Variants in KAT2B observed in about 807,000 individuals in gnomAD.
KAT2B encodes the protein histone acetyltransferase KAT2B.
Under a neutral mutation model 105.9 loss-of-function variants are expected in KAT2B, and 36 were observed. The ratio of observed to expected loss-of-function variants is 0.34; its 90% confidence interval spans 0.26 to 0.45. The LOEUF (loss-of-function observed/expected upper bound fraction) is 0.45. KAT2B is among the 20% of genes least tolerant of loss of function. KAT2B has a pLI of 1.00. For missense variants in KAT2B, 820 were observed against 1,021.6 expected (o/e 0.80, Z 2.69); for synonymous variants, 397 against 377.9 (o/e 1.05, Z -0.59).
intron 2 of KAT2B, among the ~76,000 whole-genome samples, chr3:20,088,966 G>A (rs777440493): frequency 3.9e-5 from 6 of 152,068 alleles, no homozygotes; most frequent in East Asian, 1.9e-4. Flanking sequence ...GTGGATATCC[G>A]GTTGTCCCAA....
intron 1 of KAT2B, among the ~76,000 whole-genome samples, chr3:20,067,320 A>G (rs1207527492): frequency 2.0e-5 from 3 of 152,030 alleles, no homozygotes; most frequent in Admixed American, 6.6e-5. Context: ...AATATTCAAG[A>G]TGTAACTTTT....
Position 20,152,774 on chromosome 3 carries a change from G to T in KAT2B, c.*249G>T. ...CTACTATTAAGGTAAATTTTCTATG[G>T]CATGTCCATTAGCTATTTCATGATA... On this transcript the variant is annotated 3_prime_UTR_variant, in exon 18 of 18. Coordinates refer to ENST00000263754, the MANE Select transcript of KAT2B (RefSeq NM_003884.5). 3.7e-6 allele frequency: 1 copy of T among 271,002 alleles called. No individual in the cohort carries two copies. Among genetic ancestry groups the T allele is most frequent in the Non-Finnish European group, 7.1e-6 (1 of 141,502 alleles). The allele number at this position is 271,002 out of a possible 1,614,324, so 16.8% of individuals were successfully genotyped here.
rs760581446 is a variant in KAT2B, at chr3:20,072,341, G to T, written c.312G>T (p.Glu104Asp). 52 of 1,613,378 alleles carry T rather than the reference G, an allele frequency of 3.2e-5. No homozygotes were observed. Among genetic ancestry groups the T allele is most frequent in the Non-Finnish European group, 4.3e-5 (51 of 1,179,552 alleles). The change falls in exon 2 of 18, where the codon GAG becomes GAT. Residue 104 changes from glutamate to aspartate, a missense_variant. Around this residue, in one of 6 missense-constraint regions of KAT2B, gnomAD observed 190 missense variants for 176.7 expected, o/e 1.08. Coordinates refer to ENST00000263754, the MANE Select transcript of KAT2B (RefSeq NM_003884.5). The part of the protein sequence containing the change: ...LGVYSACKAE[E>D]SCKCNGWKNP... ...CTTTATTCCATTTTTAGGCCGAGGA[G>T]TCTTGTAAATGTAATGGCTGGAAAA...
chr3:20,075,350 GTT>G (rs968562694), intron 2 of KAT2B, among the ~76,000 whole-genome samples: 1 of 149,342 alleles, frequency 6.7e-6, no homozygotes, highest in Non-Finnish European at 1.5e-5. Context: ...AGATGTGTGG[GTT>G]TTTTTTTTCT....
Position 20,140,600 on chromosome 3 carries a change from C to T in KAT2B, c.2004+236C>T, listed in dbSNP as rs562833480. 2.6e-5 allele frequency among the ~76,000 whole-genome samples: 4 copies of T among 152,262 alleles called. No homozygotes were observed. In the South Asian group the frequency reaches 6.2e-4, roughly 24 times the overall value. ...CTGCCTCCTGGGCCCAAGCAATCCT[C>T]GTACCTCAGCCTCCCGAGTAGCTAA... On this transcript the variant is annotated intron_variant, in intron 13 of 17. Coordinates refer to ENST00000263754, the MANE Select transcript of KAT2B (RefSeq NM_003884.5).
chr3:20,112,267 A>G (rs1030749260), intron 6 of KAT2B, among the ~76,000 whole-genome samples: 1 of 151,824 alleles, frequency 6.6e-6, no homozygotes, highest in Admixed American at 6.6e-5. Context: ...TTTGGAAACT[A>G]GACTGCAAAA....
At chr3:20,055,153 T>C (rs911295153) in intron 1 of KAT2B, among the ~76,000 whole-genome samples, 1 of 152,064 alleles carries the variant, frequency 6.6e-6, no homozygotes, top group African/African-American at 2.4e-5. Context: ...AACATGGACC[T>C]GGGCACCAGA....
intron 11 of KAT2B, among the ~76,000 whole-genome samples, chr3:20,128,002 G>C (rs374882370): frequency 3.9e-5 from 6 of 152,280 alleles, no homozygotes; most frequent in African/African-American, 1.4e-4. Flanking sequence ...CCACGGACTG[G>C]TAATGGTCTA....
chr3:20,124,664 A>C (rs1699368007), intron 9 of KAT2B, among the ~76,000 whole-genome samples: 1 of 152,180 alleles, frequency 6.6e-6, no homozygotes, highest in Admixed American at 6.5e-5. Flanking sequence ...GTTTGAAAAT[A>C]TTTTGGATAT....
At chr3:20,074,258 G>A (rs1698379569) in intron 2 of KAT2B, among the ~76,000 whole-genome samples, 1 of 152,200 alleles carries the variant, frequency 6.6e-6, no homozygotes, top group South Asian at 2.1e-4. Context: ...TTCCAATGTA[G>A]GAGATGATTG....
rs995881789 is a variant in KAT2B, at chr3:20,111,741, A to G, written c.997A>G (p.Lys333Glu). The change falls in exon 6 of 18, where the codon AAA (lysine) becomes GAA (glutamate). Residue 333 changes from lysine (K) to glutamate (E), a missense_variant. By Grantham distance (56) the Lys-to-Glu change is moderately conservative. Coordinates refer to ENST00000263754, the MANE Select transcript of KAT2B (RefSeq NM_003884.5). ...GGAACAAGCAAGACAGGAAAAAGAT[A>G]AACTGCCTCTTGAAAAACGAACTCT... The part of the protein sequence containing the change: ...LLEQARQEKD[K>E]LPLEKRTLIL... The G allele has an allele frequency of 1.2e-6, 2 of 1,613,924 alleles. No homozygotes were observed. The highest frequency in any genetic ancestry group is 1.7e-6 in the Non-Finnish European group (2 of 1,179,966).
At position 20,106,360 on chromosome 3, in the gene KAT2B, A is replaced by G. The variant is rs148768607; in HGVS notation, c.851+4892A>G. ...CTTCTTTGGAGGAATACATGTGCTC[A>G]TGCACGTCCGTTTCCTTCTTTCTGT... On this transcript the variant is annotated intron_variant, in intron 5 of 17. Transcript: ENST00000263754. 2.9e-4 allele frequency among the ~76,000 whole-genome samples: 44 copies of G among 152,340 alleles called. No individual in the cohort carries two copies. In the East Asian group the frequency reaches 7.9e-3, roughly 27 times the overall value.
In KAT2B at chr3:20,127,406, T is replaced by A. The variant is rs777501635; in HGVS notation, c.1623-17T>A. On this transcript the variant is annotated splice_polypyrimidine_tract_variant and intron_variant, in intron 10 of 17. Coordinates refer to ENST00000263754, the MANE Select transcript of KAT2B (RefSeq NM_003884.5). ...AACTAGGATAGGTAAAACTTTGACA[T>A]AATCTTATTCTTTCAGGAAACACAA... The A allele has an allele frequency of 4.3e-6, 7 of 1,609,284 alleles. No individual in the cohort carries two copies. Among genetic ancestry groups the A allele is most frequent in the Non-Finnish European group, 6.0e-6 (7 of 1,175,966 alleles).
At chr3:20,094,613 A>G (rs2125194926) in intron 2 of KAT2B, among the ~76,000 whole-genome samples, 1 of 152,334 alleles carries the variant, frequency 6.6e-6, no homozygotes, top group African/African-American at 2.4e-5. Context: ...ACAAAACTAT[A>G]GTAAGACAAC....
At chr3:20,047,303 C>T (rs772263983) in intron 1 of KAT2B, among the ~76,000 whole-genome samples, 7 of 152,132 alleles carry the variant, frequency 4.6e-5, no homozygotes, top group Non-Finnish European at 1.0e-4. Context: ...AACTCCTGGG[C>T]TCAAGCAATT....
chr3:20,121,213 C>G (rs776150307), intron 8 of KAT2B, among the ~76,000 whole-genome samples: 1 of 152,172 alleles, frequency 6.6e-6, no homozygotes, highest in African/African-American at 2.4e-5. Context: ...TGTAATACTT[C>G]TGGAAGAATC....
At chr3:20,118,494 A>G (rs2125171535) in intron 7 of KAT2B, among the ~76,000 whole-genome samples, 1 of 149,792 alleles carries the variant, frequency 6.7e-6, no homozygotes, top group African/African-American at 2.4e-5. Flanking sequence ...AGGTGGGCGG[A>G]TCACCTGAGG....
intron 6 of KAT2B, among the ~76,000 whole-genome samples, chr3:20,113,303 A>G (rs1156510829): frequency 6.6e-6 from 1 of 152,192 alleles, no homozygotes; most frequent in African/African-American, 2.4e-5. Flanking sequence ...TTTTCAGGTA[A>G]TAGTTGTCAT....
chr3:20,131,257 C>T lies in KAT2B; in HGVS notation c.1749+3708C>T, dbSNP rs944531991. 2.0e-5 allele frequency among the ~76,000 whole-genome samples: 3 copies of T among 152,058 alleles called. No individual in the cohort carries two copies. In the South Asian group the frequency reaches 6.2e-4, roughly 32 times the overall value. ...TCTCAAACTCCTGACCTCAGGTGAT[C>T]GCCTGCTTCGGCCTCCCAAAGTGCT... On this transcript the variant is annotated intron_variant, in intron 11 of 17. Coordinates refer to ENST00000263754, the MANE Select transcript of KAT2B (RefSeq NM_003884.5).
Sources: allele counts gnomAD v4.1 joint callset (sites outside exome capture counted in the v4.1 genomes callset), GRCh38; gene constraint gnomAD v4.1.1; regional missense constraint gnomAD v4.1.1; transcripts MANE v1.5; gene names NCBI Gene and HGNC (gene_info 2026-07-23, HGNC 2026-07-21).